CTNNA3: variants seen among roughly 807,000 people sequenced by gnomAD.
CTNNA3 encodes catenin alpha 3, also known as catenin alpha-3.
CTNNA3 carries 76 observed loss-of-function variants against 95.7 expected under a neutral mutation model. That is an observed-to-expected ratio of 0.79 (90% CI 0.66 to 0.96). The LOEUF (loss-of-function observed/expected upper bound fraction) is 0.96. Among genes scored for constraint, CTNNA3 ranks in the 40% least tolerant of loss-of-function variants. The pLI is 0.00. For missense variants in CTNNA3, 1,191 were observed against 1,089.8 expected (o/e 1.09, Z -1.31); for synonymous variants, 431 against 374.4 (o/e 1.15, Z -1.74).
At chr10:66,540,818 G>A (rs1424868089) in intron 10 of CTNNA3, among the ~76,000 whole-genome samples, 3 of 152,046 alleles carry the variant, frequency 2.0e-5, no homozygotes, top group Non-Finnish European at 4.4e-5. Context: ...TGATAAGCCT[G>A]TATCTACCTT....
At chr10:66,075,576 A>T (rs916696236) in intron 14 of CTNNA3, among the ~76,000 whole-genome samples, 6 of 151,998 alleles carry the variant, frequency 3.9e-5, no homozygotes, top group Non-Finnish European at 7.4e-5. Context: ...TAAAATATTC[A>T]TGTAGCCTAC....
chr10:67,638,094 T>G (rs1040219088), intron 2 of CTNNA3, among the ~76,000 whole-genome samples: 1 of 152,132 alleles, frequency 6.6e-6, no homozygotes, highest in Admixed American at 6.6e-5. Context: ...TCAAGACCCA[T>G]CAGTGTGCTG....
At chr10:66,614,992 T>C (rs1288451366) in intron 10 of CTNNA3, among the ~76,000 whole-genome samples, 1 of 152,036 alleles carries the variant, frequency 6.6e-6, no homozygotes, top group Non-Finnish European at 1.5e-5. Context: ...TTCTCAATAA[T>C]GAAATTCTCT....
chr10:66,145,031 C>T (rs943617576), intron 13 of CTNNA3, among the ~76,000 whole-genome samples: 5 of 152,048 alleles, frequency 3.3e-5, no homozygotes, highest in Admixed American at 1.3e-4. Context: ...CTATATTATG[C>T]ATATACACTA....
chr10:66,302,246 T>C (rs1406776450), intron 12 of CTNNA3, among the ~76,000 whole-genome samples: 2 of 152,088 alleles, frequency 1.3e-5, no homozygotes, highest in Non-Finnish European at 2.9e-5. Flanking sequence ...CTTTCCCTAC[T>C]TGATGTACAA....
intron 5 of CTNNA3, among the ~76,000 whole-genome samples, chr10:67,295,266 G>T (rs1462115362): frequency 6.6e-6 from 1 of 152,006 alleles, no homozygotes; most frequent in East Asian, 1.9e-4. Flanking sequence ...ATACTCAAAA[G>T]AAAATTCTTT....
intron 7 of CTNNA3, among the ~76,000 whole-genome samples, chr10:66,979,121 C>T (rs762890700): frequency 2.0e-5 from 3 of 151,854 alleles, no homozygotes; most frequent in Non-Finnish European, 4.4e-5. Flanking sequence ...CCCACCACCA[C>T]ACCTGGCTAA....
intron 1 of CTNNA3, among the ~76,000 whole-genome samples, chr10:67,667,315 TATTCTAA>T (rs1840348986): frequency 6.6e-6 from 1 of 152,184 alleles, no homozygotes; most frequent in African/African-American, 2.4e-5. Context: ...TTGCCTGATT[TATTCTAA>T]AAATAAAAAT....
intron 7 of CTNNA3, among the ~76,000 whole-genome samples, chr10:66,801,578 CTA>C (rs1378833326): frequency 6.6e-6 from 1 of 151,514 alleles, no homozygotes; most frequent in Non-Finnish European, 1.5e-5. Context: ...ACTCTGAAAA[CTA>C]TGAAATATTT....
At chr10:67,397,605 T>A (rs1024822945) in intron 5 of CTNNA3, among the ~76,000 whole-genome samples, 11 of 152,168 alleles carry the variant, frequency 7.2e-5, no homozygotes, top group Admixed American at 2.6e-4. Context: ...TGCAGAAACT[T>A]GCATAAGTAA....
intron 14 of CTNNA3, among the ~76,000 whole-genome samples, chr10:66,081,507 CA>C (rs992482283): frequency 8.6e-5 from 13 of 151,368 alleles, no homozygotes; most frequent in African/African-American, 3.2e-4. Flanking sequence ...CTTTCAATAC[CA>C]AAAAAACACA....
At chr10:66,814,481 C>T (rs987226449) in intron 7 of CTNNA3, among the ~76,000 whole-genome samples, 9 of 152,082 alleles carry the variant, frequency 5.9e-5, no homozygotes, top group Non-Finnish European at 1.2e-4. Context: ...AGTGGCTCAG[C>T]TGGGTGCAGT....
chr10:66,520,266 T>G (rs1841011150), intron 11 of CTNNA3, among the ~76,000 whole-genome samples: 2 of 143,416 alleles, frequency 1.4e-5, no homozygotes, highest in African/African-American at 5.2e-5. Flanking sequence ...TTTTTTTTTT[T>G]TTTGAGATAG....
intron 7 of CTNNA3, among the ~76,000 whole-genome samples, chr10:67,053,820 C>G (rs1357027190): frequency 6.6e-6 from 1 of 152,072 alleles, no homozygotes; most frequent in Non-Finnish European, 1.5e-5. Context: ...TCTTTTGAAG[C>G]CAAAACAAAA....
intron 6 of CTNNA3, among the ~76,000 whole-genome samples, chr10:67,207,298 A>T (rs1348787642): frequency 6.6e-6 from 1 of 152,220 alleles, no homozygotes; most frequent in Non-Finnish European, 1.5e-5. Context: ...AGTGATAAGC[A>T]TACATGACAT....
intron 13 of CTNNA3, among the ~76,000 whole-genome samples, chr10:66,199,371 C>T (rs1319151956): frequency 6.6e-6 from 1 of 151,612 alleles, no homozygotes; most frequent in East Asian, 1.9e-4. Context: ...GTAGTTGACT[C>T]TTGTGTTTTT....
chr10:67,314,760 C>T (rs1480189568), intron 5 of CTNNA3, among the ~76,000 whole-genome samples: 1 of 152,058 alleles, frequency 6.6e-6, no homozygotes, highest in Non-Finnish European at 1.5e-5. Context: ...TGCTAATGTC[C>T]AAATTTATTG....
intron 12 of CTNNA3, among the ~76,000 whole-genome samples, chr10:66,310,168 T>A (rs2091998691): frequency 6.6e-6 from 1 of 151,856 alleles, no homozygotes; most frequent in African/African-American, 2.4e-5. Context: ...TGGCCTTTTT[T>A]AGAATAATTT....
intron 11 of CTNNA3, among the ~76,000 whole-genome samples, chr10:66,411,902 C>T (rs1174553445): frequency 6.6e-6 from 1 of 152,008 alleles, no homozygotes; most frequent in Admixed American, 6.6e-5. Context: ...CCCACTGAGC[C>T]CTCAAATGAC....
Sources: allele counts gnomAD v4.1 joint callset (sites outside exome capture counted in the v4.1 genomes callset), GRCh38; gene constraint gnomAD v4.1.1; transcripts MANE v1.5; gene names NCBI Gene and HGNC (gene_info 2026-07-23, HGNC 2026-07-21).